RAF1: variants seen among roughly 807,000 people sequenced by gnomAD.
RAF1 encodes RAF proto-oncogene serine/threonine-protein kinase.
A neutral mutation model predicts 81.1 loss-of-function variants in RAF1; 27 were observed. The ratio of observed to expected loss-of-function variants is 0.33; its 90% CI spans 0.25 to 0.46. The LOEUF (loss-of-function observed/expected upper bound fraction) is 0.46, where lower values mean the gene tolerates loss of function less well. Ranked by LOEUF, RAF1 falls within the 20% of genes least tolerant of loss-of-function variation. The pLI is 1.00. For synonymous variants in RAF1, 298 were observed against 294.0 expected (o/e 1.01, Z -0.14); for missense variants, 598 against 826.0 (o/e 0.72, Z 3.38).
At chr3:12,609,942 T>C (rs1575585083) in intron 3 of RAF1, among the ~76,000 whole-genome samples, 1 of 152,228 alleles carries the variant, frequency 6.6e-6, no homozygotes, top group Non-Finnish European at 1.5e-5. Context: ...CAGTAGCCTA[T>C]TTCAATCTAG....
At chr3:12,609,416 CAT>C in intron 3 of RAF1, 81 bp from the exon 4 acceptor site, 1 of 901,124 alleles carries the variant, frequency 1.1e-6, no homozygotes, top group Non-Finnish European at 1.9e-6. Context: ...CCATTTATCA[CAT>C]GCCATATAAA....
In RAF1 at chr3:12,608,940, G is replaced by A. The variant is rs1263363807; in HGVS notation, c.424-17C>T. 1 of 1,613,802 alleles carries A rather than the reference G, an allele frequency of 6.2e-7. No homozygotes were observed. The highest frequency in any genetic ancestry group is 2.2e-5 in the East Asian group (1 of 44,856). On this transcript the variant is annotated splice_polypyrimidine_tract_variant and intron_variant, in intron 4 of 17. Coordinates refer to ENST00000442415, the MANE Select transcript of RAF1 (RefSeq NM_001354689.3). ...CTTCCGAGCCTACAACAAGAACACA[G>A]GTGTAAATTATGCTGAATAAATAAA... is the stretch of plus-strand genomic sequence containing the variant.
At position 12,583,616 on chromosome 3, in the gene RAF1, ATTTAT is replaced by A. The variant is rs1478027698; in HGVS notation, c.*893_*897del. The A allele has an allele frequency of 2.2e-5, 5 of 231,794 alleles. No homozygotes were observed. The highest frequency in any genetic ancestry group is 3.4e-5 in the Non-Finnish European group (4 of 117,242). 14.4% of individuals were successfully genotyped at this position (231,794 alleles called of 1,614,324 possible). A position where few individuals can be genotyped will look rare whatever the true frequency, so the allele number is the denominator to read the frequency against. On this transcript the variant is annotated 3_prime_UTR_variant, in exon 18 of 18. Coordinates refer to ENST00000442415, the MANE Select transcript of RAF1 (RefSeq NM_001354689.3). ...CAGCCAGCCATTACACCTAAATTTA[ATTTAT>A]TTTATTAAAATAACATAATTGAGGG...
At chr3:12,591,131 C>G (rs1045594844) in intron 12 of RAF1, among the ~76,000 whole-genome samples, 157 bp from the exon 12 acceptor site, 1 of 152,054 alleles carries the variant, frequency 6.6e-6, no homozygotes, top group Non-Finnish European at 1.5e-5. Context: ...CGGCTGATAA[C>G]CCGGGTGGCA....
intron 11 of RAF1, among the ~76,000 whole-genome samples, chr3:12,594,423 C>A (rs2058622498): frequency 6.6e-6 from 1 of 152,202 alleles, no homozygotes; most frequent in African/African-American, 2.4e-5. Flanking sequence ...CTTCCTATTT[C>A]ATGGACCTCG....
At chr3:12,597,210 A>C (rs867011985) in intron 11 of RAF1, among the ~76,000 whole-genome samples, 9 of 152,312 alleles carry the variant, frequency 5.9e-5, no homozygotes, top group Middle Eastern at 3.4e-3. Flanking sequence ...AAAAACCTAG[A>C]ATCTTAAAAA....
intron 11 of RAF1, among the ~76,000 whole-genome samples, chr3:12,593,174 T>TC (rs1210096365): frequency 1.4e-5 from 2 of 144,456 alleles, no homozygotes; most frequent in Non-Finnish European, 3.0e-5. Context: ...CACTGCAACC[T>TC]CCGCAAGCGA....
chr3:12,604,976 A>G (rs1401313388), intron 6 of RAF1, among the ~76,000 whole-genome samples: 1 of 152,182 alleles, frequency 6.6e-6, no homozygotes, highest in Admixed American at 6.5e-5. Flanking sequence ...AATTAAAGGG[A>G]AAAAGGCCAG....
chr3:12,620,950 G>A (rs73812837), intron 1 of RAF1, among the ~76,000 whole-genome samples: 17 of 55,048 alleles, frequency 3.1e-4, no homozygotes, highest in African/African-American at 9.2e-4. Context: ...AGAGTTCAGA[G>A]TTCAGTTCAT....
chr3:12,585,219 G>A lies in RAF1; in HGVS notation c.1631C>T (p.Pro544Leu). ...GTAGACATCCGACTGGAAACTGAAT[G>A]GGTTGTTATCCTGCATTCGGATCAC... Residue 544 changes from proline (P) to leucine (L), a missense_variant, in exon 16 of 18, where the codon CCA (proline) becomes CTA (leucine). By Grantham distance (98) the Pro-to-Leu change is moderately conservative. Around this residue, in one of 5 missense-constraint regions of RAF1, gnomAD observed 147 missense variants for 196.1 expected, o/e 0.75. Coordinates refer to ENST00000442415, the MANE Select transcript of RAF1 (RefSeq NM_001354689.3). 1 of 1,614,112 alleles carries A rather than the reference G, an allele frequency of 6.2e-7. No homozygotes were observed. Among genetic ancestry groups the A allele is most frequent in the South Asian group, 1.1e-5 (1 of 91,072 alleles).
At chr3:12,592,529 GTT>G (rs2058549112) in intron 11 of RAF1, among the ~76,000 whole-genome samples, 1 of 152,110 alleles carries the variant, frequency 6.6e-6, no homozygotes, top group Non-Finnish European at 1.5e-5. Flanking sequence ...AAGCTGAGAA[GTT>G]TAGTCACTTG....
At chr3:12,598,665 G>A (rs1008573429) in intron 11 of RAF1, among the ~76,000 whole-genome samples, 1 of 144,080 alleles carries the variant, frequency 6.9e-6, no homozygotes, top group Non-Finnish European at 1.5e-5. Context: ...GTTGGAGGCT[G>A]CAGTGAGCTG....
At chr3:12,626,244 C>CAAAA (rs201895405) in intron 1 of RAF1, among the ~76,000 whole-genome samples, 4 of 104,242 alleles carry the variant, frequency 3.8e-5, no homozygotes, top group Non-Finnish European at 7.7e-5. Context: ...AACTCTGTCT[C>CAAAA]AAAAAAAAAA....
rs914955768 is a variant in RAF1, at chr3:12,585,372, C to T, written c.1597-119G>A. ...GAATGAGTCCATTCTTCAGTCCCCA[C>T]ATAGCTTTTCCCCCAAAGGACTCCA... is the stretch of plus-strand genomic sequence containing the variant. On this transcript the variant is annotated intron_variant, in intron 15 of 17. Transcript: ENST00000442415. 4 of 1,552,108 alleles carry T rather than the reference C, an allele frequency of 2.6e-6. No homozygotes were observed. The East Asian group carries it at 9.4e-5, about 36-fold the overall frequency.
intron 1 of RAF1, among the ~76,000 whole-genome samples, chr3:12,660,476 T>G (rs2060840682): frequency 1.3e-5 from 2 of 151,930 alleles, no homozygotes; most frequent in South Asian, 2.1e-4. Flanking sequence ...TTTTTTCTTT[T>G]TGTGTGTGTG....
chr3:12,640,428 C>T (rs1421889501), intron 1 of RAF1, among the ~76,000 whole-genome samples: 5 of 150,586 alleles, frequency 3.3e-5, no homozygotes, highest in East Asian at 1.9e-4. Context: ...ACAGTGAACA[C>T]GCAACCTACA....
chr3:12,653,151 A>C (rs1333600987), intron 1 of RAF1, among the ~76,000 whole-genome samples: 2 of 151,500 alleles, frequency 1.3e-5, no homozygotes, highest in African/African-American at 4.9e-5. Flanking sequence ...GCATAGTGGC[A>C]CAGGCCTGTA....
At chr3:12,588,733 G>C (rs560909544) in intron 13 of RAF1, 1 of 152,278 alleles carries the variant, frequency 6.6e-6, no homozygotes, top group African/African-American at 2.4e-5. Context: ...ACAGAAAGTA[G>C]ACTGCAAGTG....
intron 1 of RAF1, among the ~76,000 whole-genome samples, chr3:12,627,984 A>T (rs1022154053): frequency 2.0e-4 from 31 of 152,056 alleles, no homozygotes; most frequent in Admixed American, 1.3e-4. Flanking sequence ...GCCGGGTGTG[A>T]TGGCATGTGC....
Sources: gnomAD v4.1 joint callset for allele counts (sites outside exome capture counted in the v4.1 genomes callset) on GRCh38, gnomAD v4.1.1 for gene constraint, gnomAD v4.1.1 regional missense constraint, MANE v1.5 for transcripts, NCBI Gene and HGNC (gene_info 2026-07-23, HGNC 2026-07-21) for gene names.